Variants in KCNJ6 observed in about 807,000 individuals in gnomAD.
KCNJ6 encodes potassium inwardly rectifying channel subfamily J member 6, also known as G protein-activated inward rectifier potassium channel 2.
Under a neutral mutation model 34.2 loss-of-function variants are expected in KCNJ6, and 9 were observed. The observed-to-expected ratio is 0.26, with a 90% CI of 0.16 to 0.46. KCNJ6 has a LOEUF of 0.46. Ranked by LOEUF, KCNJ6 falls within the 20% of genes least tolerant of loss-of-function variation. The pLI is 1.00. For missense variants in KCNJ6, 236 were observed against 531.3 expected, an observed-to-expected ratio of 0.44 and a Z score of 5.46; for synonymous variants, 196 against 207.1, an observed-to-expected ratio of 0.95 and a Z score of 0.46.
At chr21:37,716,380 T>C (rs1024699717) in intron 2 of KCNJ6, among the ~76,000 whole-genome samples, 8 of 66,004 alleles carry the variant, frequency 1.2e-4, no homozygotes, top group African/African-American at 4.7e-4. Context: ...AAAGTTTAAA[T>C]TTTTTTTTTT....
At chr21:37,687,382 T>C (rs2054620450) in intron 3 of KCNJ6, among the ~76,000 whole-genome samples, 1 of 152,096 alleles carries the variant, frequency 6.6e-6, no homozygotes. Flanking sequence ...CCGCTTCCCT[T>C]TCTTCACAAG....
intron 3 of KCNJ6, among the ~76,000 whole-genome samples, chr21:37,662,131 G>A (rs2054492435): frequency 6.6e-6 from 1 of 152,060 alleles, no homozygotes; most frequent in Non-Finnish European, 1.5e-5. Flanking sequence ...GGATACATGT[G>A]CAGGATGTAC....
At chr21:37,755,954 G>A (rs1315825527) in intron 2 of KCNJ6, among the ~76,000 whole-genome samples, 4 of 152,234 alleles carry the variant, frequency 2.6e-5, no homozygotes, top group Admixed American at 6.5e-5. Flanking sequence ...GTCTTTATTC[G>A]GTGGCTCGAA....
At chr21:37,880,170 G>A (rs929890115) in intron 1 of KCNJ6, among the ~76,000 whole-genome samples, 8 of 151,978 alleles carry the variant, frequency 5.3e-5, no homozygotes, top group East Asian at 3.9e-4. Flanking sequence ...CCAGTTACTC[G>A]GGAGACTGAG....
intron 2 of KCNJ6, among the ~76,000 whole-genome samples, chr21:37,776,592 A>G (rs1188064196): frequency 6.6e-6 from 1 of 152,210 alleles, no homozygotes; most frequent in African/African-American, 2.4e-5. Context: ...CCTTTTCTGC[A>G]TCTATTGAGA....
At chr21:37,776,380 C>T (rs553500117) in intron 2 of KCNJ6, among the ~76,000 whole-genome samples, 1 of 152,292 alleles carries the variant, frequency 6.6e-6, no homozygotes, top group African/African-American at 2.4e-5. Context: ...ACTTCCAACA[C>T]TATGTTGAAT....
At chr21:37,704,326 AT>A (rs2123440435) in intron 3 of KCNJ6, among the ~76,000 whole-genome samples, 1 of 144,918 alleles carries the variant, frequency 6.9e-6, no homozygotes, top group South Asian at 2.2e-4. Flanking sequence ...TAAAGTACAT[AT>A]TACTGAGTAT....
intron 2 of KCNJ6, among the ~76,000 whole-genome samples, chr21:37,832,374 C>CAGCT (rs1435104940): frequency 2.0e-5 from 3 of 152,060 alleles, no homozygotes; most frequent in East Asian, 3.9e-4. Flanking sequence ...ATACGATGAA[C>CAGCT]AGCTCTGCCC....
At chr21:37,864,406 C>T (rs1421509685) in intron 1 of KCNJ6, among the ~76,000 whole-genome samples, 4 of 152,136 alleles carry the variant, frequency 2.6e-5, no homozygotes, top group Admixed American at 1.3e-4. Flanking sequence ...CCACCATGGC[C>T]GGCCAGGAAT....
chr21:37,681,801 G>A (rs1465723182), intron 3 of KCNJ6, among the ~76,000 whole-genome samples: 3 of 151,616 alleles, frequency 2.0e-5, no homozygotes, highest in East Asian at 1.9e-4. Context: ...TAGAGGGAGC[G>A]ACCCAAATCA....
intron 3 of KCNJ6, among the ~76,000 whole-genome samples, chr21:37,651,391 G>T (rs1246807157): frequency 6.6e-6 from 1 of 152,200 alleles, no homozygotes. Flanking sequence ...GAGATAGATA[G>T]GATCCTCCTC....
At chr21:37,783,095 A>G (rs1390028772) in intron 2 of KCNJ6, among the ~76,000 whole-genome samples, 9 of 152,192 alleles carry the variant, frequency 5.9e-5, no homozygotes. Context: ...TGAGTTCTCA[A>G]GAGGTTAGGA....
At chr21:37,855,494 C>G (rs1351753319) in intron 1 of KCNJ6, among the ~76,000 whole-genome samples, 2 of 152,180 alleles carry the variant, frequency 1.3e-5, no homozygotes, top group East Asian at 1.9e-4. Context: ...GATTCTGAGT[C>G]TGTGTCATGG....
chr21:37,704,313 A>G (rs1174251283), intron 3 of KCNJ6, among the ~76,000 whole-genome samples: 3 of 137,990 alleles, frequency 2.2e-5, no homozygotes, highest in Non-Finnish European at 4.9e-5. Context: ...GTTTGAGGAA[A>G]CATAAAGTAC....
intron 3 of KCNJ6, among the ~76,000 whole-genome samples, chr21:37,691,643 G>A (rs2054640249): frequency 6.6e-6 from 1 of 152,126 alleles, no homozygotes; most frequent in African/African-American, 2.4e-5. Context: ...CAGTGATTAC[G>A]GTCTCTGTTC....
rs1359184499 is a variant in KCNJ6 at position 37,675,606 on chromosome 21, C to T, written c.946+38605G>A. Among the ~76,000 whole-genome samples the T allele has an allele frequency of 1.3e-5, 2 of 152,252 alleles. No homozygotes were observed. The highest frequency in any genetic ancestry group is 4.8e-5 in the African/African-American group (2 of 41,468). On this transcript the variant is annotated intron_variant, in intron 3 of 3. Coordinates refer to ENST00000609713, the MANE Select transcript of KCNJ6 (RefSeq NM_002240.5). The surrounding 1 kb of genome is among the most constrained non-coding windows in gnomAD (Gnocchi z 4.2). ...GCATCGCCCTGCCCTGAGCGGAATT[C>T]TCCGGCCCCAGGAGAGGCCGTGTGG...
At chr21:37,815,328 T>C (rs7281945) in intron 2 of KCNJ6, among the ~76,000 whole-genome samples, 10,062 of 152,328 alleles carry the variant, frequency 0.066, 430 homozygotes, top group Middle Eastern at 0.11. Context: ...TCATTCTCTA[T>C]GATGTGATTA....
intron 3 of KCNJ6, among the ~76,000 whole-genome samples, chr21:37,663,458 TGAA>T (rs1330328280): frequency 1.0e-5 from 1 of 98,880 alleles, no homozygotes. Context: ...GAGAGTTTCA[TGAA>T]ACAAAAAAAA....
At chr21:37,858,371 C>T (rs983106729) in intron 1 of KCNJ6, among the ~76,000 whole-genome samples, 1 of 108,436 alleles carries the variant, frequency 9.2e-6, no homozygotes, top group Non-Finnish European at 1.7e-5. Context: ...CCAGCCTGGG[C>T]GACAGAGCAA....
Sources: allele counts gnomAD v4.1 joint callset (sites outside exome capture counted in the v4.1 genomes callset), GRCh38; gene constraint gnomAD v4.1.1; non-coding constraint Gnocchi (gnomAD v3.1); transcripts MANE v1.5; gene names NCBI Gene and HGNC (gene_info 2026-07-23, HGNC 2026-07-21).